Variants in ATAD2 observed in about 807,000 individuals in gnomAD.
The protein encoded by ATAD2 is ATPase family AAA domain containing 2, also known as ATPase family AAA domain-containing protein 2.
In ATAD2, 62 loss-of-function variants were observed where a neutral mutation model predicts 168.9. That is an observed-to-expected ratio of 0.37 (90% CI 0.30 to 0.45). The LOEUF (loss-of-function observed/expected upper bound fraction) is 0.45, where lower values mean the gene tolerates loss of function less well. Ranked by LOEUF, ATAD2 falls within the 20% of genes least tolerant of loss-of-function variation. The pLI is 1.00. For synonymous variants in ATAD2, 613 were observed against 571.6 expected, an observed-to-expected ratio of 1.07 and a Z score of -1.03; for missense variants, 1,419 against 1,667.8, an observed-to-expected ratio of 0.85 and a Z score of 2.60.
upstream of ATAD2, chr8:123,400,940 G>A (rs941183550): frequency 5.0e-6 from 7 of 1,405,158 alleles, no homozygotes; most frequent in African/African-American, 9.9e-5. This position sits in a 1 kb window ranked among gnomAD's most constrained non-coding sequence, Gnocchi z 4.5. Context: ...ATGGTGCTGA[G>A]CCCCTCGCAC....
intron 1 of ATAD2, among the ~76,000 whole-genome samples, chr8:123,410,160 T>C (rs1452988242): frequency 6.6e-6 from 1 of 152,126 alleles, no homozygotes; most frequent in Non-Finnish European, 1.5e-5. Flanking sequence ...TTTCTTTGAG[T>C]AGCATTTCGT....
In ATAD2 at chr8:123,325,815, G is replaced by A. The variant is rs1479366932; in HGVS notation, c.4002+78C>T. ...TTTTCATGTAAATCCCATGTAGCCA[G>A]AATGCTACTAGTCACAAGCCAGTGT... On this transcript the variant is annotated intron_variant, in intron 26 of 27. Transcript: ENST00000287394. 6 of 1,528,292 alleles carry A rather than the reference G, an allele frequency of 3.9e-6. No individual in the cohort carries two copies. The East Asian group carries it at 1.4e-4, about 35-fold the overall frequency. The allele number at this position is 1,528,292 out of a possible 1,614,324, so 94.7% of individuals were successfully genotyped here. A position where few individuals can be genotyped will look rare whatever the true frequency, so the allele number is the denominator to read the frequency against.
intron 11 of ATAD2, 73 bp downstream of exon 11, chr8:123,359,148 G>T (rs1828735359): frequency 4.7e-6 from 5 of 1,064,470 alleles, no homozygotes; most frequent in Non-Finnish European, 6.7e-6. Flanking sequence ...GGGTTAATAA[G>T]CAAGGTATAA....
At chr8:123,401,961 A>G in intron 1 of ATAD2, 1 of 914,898 alleles carries the variant, frequency 1.1e-6, no homozygotes, top group South Asian at 1.3e-5. Context: ...GGCATCCAGC[A>G]TGGCTGCCAG....
chr8:123,330,915 AT>A (rs2131287437), intron 24 of ATAD2, among the ~76,000 whole-genome samples: 1 of 151,750 alleles, frequency 6.6e-6, no homozygotes, highest in South Asian at 2.1e-4. Flanking sequence ...CAGCTTCAAA[AT>A]TTCCTTCTTT....
At chr8:123,393,888 G>A (rs2129971291) in intron 1 of ATAD2, among the ~76,000 whole-genome samples, 1 of 151,934 alleles carries the variant, frequency 6.6e-6, no homozygotes. Flanking sequence ...CTGCACTCCA[G>A]CCTGGGTGAC....
intron 8 of ATAD2, among the ~76,000 whole-genome samples, chr8:123,362,332 T>C (rs1038136331): frequency 6.6e-6 from 1 of 151,502 alleles, no homozygotes; most frequent in African/African-American, 2.4e-5. Flanking sequence ...TTTGGGACTG[T>C]AATTTGAAAC....
intron 8 of ATAD2, among the ~76,000 whole-genome samples, chr8:123,365,000 T>C (rs1828930195): frequency 6.6e-6 from 1 of 151,960 alleles, no homozygotes; most frequent in South Asian, 2.1e-4. Context: ...TGTCTGCTGA[T>C]TATATGATTG....
intron 1 of ATAD2, chr8:123,380,969 CT>C (rs767330276): frequency 3.7e-6 from 1 of 270,376 alleles, no homozygotes; most frequent in Admixed American, 5.0e-5. Context: ...TTTTCCACCA[CT>C]GACGAAAAGT....
intron 1 of ATAD2, among the ~76,000 whole-genome samples, chr8:123,407,706 A>G (rs774537132): frequency 3.3e-5 from 5 of 150,262 alleles, no homozygotes; most frequent in Non-Finnish European, 7.4e-5. Context: ...TACAAAAATT[A>G]GCTGGGTGTG....
chr8:123,337,241 T>C (rs987255860), intron 21 of ATAD2, among the ~76,000 whole-genome samples: 2 of 151,766 alleles, frequency 1.3e-5, no homozygotes, highest in South Asian at 2.1e-4. Context: ...CACACGCCTG[T>C]AGTCCCAGCT....
intron 1 of ATAD2, among the ~76,000 whole-genome samples, chr8:123,412,088 A>T (rs993760675): frequency 6.6e-6 from 1 of 152,170 alleles, no homozygotes; most frequent in East Asian, 1.9e-4. Context: ...ACCAGTCAGA[A>T]TGCAATCAGC....
chr8:123,353,192 C>T (rs1183679335), intron 13 of ATAD2, among the ~76,000 whole-genome samples: 2 of 151,944 alleles, frequency 1.3e-5, no homozygotes, highest in East Asian at 1.9e-4. Context: ...GGCAAAACCC[C>T]GTCTCTACTA....
chr8:123,371,435 G>A lies in ATAD2; in HGVS notation c.537-97C>T, dbSNP rs1829145087. 2.7e-5 allele frequency: 27 copies of A among 983,066 alleles called. No individual in the cohort carries two copies. In the South Asian group the frequency reaches 4.9e-4, roughly 18 times the overall value. 60.9% of individuals were successfully genotyped at this position (983,066 alleles called of 1,614,324 possible). A position where few individuals can be genotyped will look rare whatever the true frequency, so the allele number is the denominator to read the frequency against. ...TTCCATTGCAAACTTTTGGCACTAAGGTTTTAAATATTTTTATAAGAAGCA... is the reference window on the plus strand; with the variant it reads ...TTCCATTGCAAACTTTTGGCACTAAAGTTTTAAATATTTTTATAAGAAGCA... On this transcript the variant is annotated intron_variant, in intron 4 of 27. Coordinates refer to ENST00000287394, the MANE Select transcript of ATAD2 (RefSeq NM_014109.4).
In ATAD2 at chr8:123,392,709, G is replaced by A. The variant is rs557459321; in HGVS notation, c.171+3478C>T. On this transcript the variant is annotated intron_variant, in intron 1 of 27. Transcript: ENST00000287394. ...AGGTATACCAAATGGAAAGGCCCTG[G>A]TATTAAAGAAGCAGCTATGCCAGTG... Among the ~76,000 whole-genome samples, 16 of 152,218 alleles carry A rather than the reference G, an allele frequency of 1.1e-4. 1 individual carries two copies. The highest frequency in any genetic ancestry group is 3.9e-4 in the African/African-American group (16 of 41,536).
intron 8 of ATAD2, among the ~76,000 whole-genome samples, chr8:123,364,886 C>T (rs1828925706): frequency 6.6e-6 from 1 of 152,148 alleles, no homozygotes; most frequent in African/African-American, 2.4e-5. Flanking sequence ...TGCCCACTCT[C>T]ACCACTTCTA....
chr8:123,407,450 G>A (rs1813082681), intron 1 of ATAD2, among the ~76,000 whole-genome samples: 1 of 152,208 alleles, frequency 6.6e-6, no homozygotes, highest in African/African-American at 2.4e-5. Context: ...GAGGCTGGGT[G>A]TGGTGGCTCA....
rs74885966 is a variant in ATAD2, at chr8:123,328,755, G to A, written c.3479-176C>T. Among the ~76,000 whole-genome samples the A allele has an allele frequency of 2.6e-4, 39 of 151,778 alleles. No homozygotes were observed. In the East Asian group the frequency reaches 5.4e-3, roughly 21 times the overall value. On this transcript the variant is annotated intron_variant, in intron 24 of 27. Coordinates refer to ENST00000287394, the MANE Select transcript of ATAD2 (RefSeq NM_014109.4). ...GTGAGAAGGTGGAGAAGTGGGTAAG[G>A]CCCAGACCATAAAATGGTAAAAAAT...
chr8:123,369,169 C>T lies in ATAD2; in HGVS notation c.938G>A (p.Arg313His), dbSNP rs772063212. 9 of 1,481,006 alleles carry T rather than the reference C, an allele frequency of 6.1e-6. No individual in the cohort carries two copies. In the African/African-American group the frequency reaches 7.1e-5, roughly 12 times the overall value. The allele number at this position is 1,481,006 out of a possible 1,614,324, so 91.7% of individuals were successfully genotyped here. ...VYYQAPLEKP[R>H]HQRKPNIFYS... ...AAATATGTTGGGCTTTCTCTGGTGA[C>T]GAGGTTCTAAAAAAAAGAAATATAT... The change falls in exon 8 of 28, where the codon CGT (arginine) becomes CAT (histidine). Residue 313 changes from arginine to histidine, a missense_variant. By Grantham distance (29) the Arg-to-His change is conservative. This residue lies in a region of ATAD2 where 419 missense variants were observed against 423.5 expected (regional missense o/e 0.99). Coordinates refer to ENST00000287394, the MANE Select transcript of ATAD2 (RefSeq NM_014109.4).
Sources: gnomAD v4.1 joint callset for allele counts (sites outside exome capture counted in the v4.1 genomes callset) on GRCh38, gnomAD v4.1.1 for gene constraint, gnomAD v4.1.1 regional missense constraint, Gnocchi (gnomAD v3.1) non-coding constraint, MANE v1.5 for transcripts, NCBI Gene and HGNC (gene_info 2026-07-23, HGNC 2026-07-21) for gene names.